The following SUCO variants were observed in gnomAD, a reference collection of about 807,000 sequenced individuals.
SUCO encodes the protein SUN domain containing ossification factor, also known as SUN domain-containing ossification factor.
In SUCO, 57 loss-of-function variants were observed where a neutral mutation model predicts 148.1. The ratio of observed to expected loss-of-function variants is 0.38; its 90% CI spans 0.31 to 0.48. SUCO has a LOEUF of 0.48. Among genes scored for constraint, SUCO ranks in the 20% least tolerant of loss-of-function variants. SUCO has a pLI of 0.96. For synonymous variants in SUCO, 470 were observed against 502.7 expected, an observed-to-expected ratio of 0.93 and a Z score of 0.87; for missense variants, 1,331 against 1,468.2, an observed-to-expected ratio of 0.91 and a Z score of 1.53.
In SUCO at chr1:172,589,073, T is replaced by A. The variant is rs76761114; in HGVS notation, c.1972T>A (p.Tyr658Asn). 1.9e-3 allele frequency: 3,070 copies of A among 1,613,724 alleles called. 45 individuals carry two copies. In the South Asian group the frequency reaches 0.019, roughly 10 times the overall value. ...AACTGCTTTGAGTAAAGGAAAAGAT[T>A]ATCTTGTGTTAGCTCAACCACCCTT... Reference protein sequence around the residue: ...SRTALSKGKDYLVLAQPPLLL... With the variant: ...SRTALSKGKDNLVLAQPPLLL... The change falls in exon 18 of 24, where the codon TAT becomes AAT. Residue 658 changes from tyrosine to asparagine, a missense_variant. By Grantham distance (143) the Tyr-to-Asn change is moderately radical (BLOSUM62 -2). This residue lies in a region of SUCO where 992 missense variants were observed against 1,093.5 expected (regional missense o/e 0.91). Coordinates refer to ENST00000263688, the MANE Select transcript of SUCO (RefSeq NM_014283.5).
intron 23 of SUCO, chr1:172,609,520 C>G (rs1246472754): frequency 2.1e-6 from 2 of 960,978 alleles, no homozygotes; most frequent in Non-Finnish European, 1.2e-6. Context: ...ATGAAAGCAA[C>G]CTGTATGCTC....
intron 1 of SUCO, among the ~76,000 whole-genome samples, chr1:172,543,413 A>G (rs1278924859): frequency 6.6e-6 from 1 of 152,186 alleles, no homozygotes; most frequent in East Asian, 1.9e-4. Flanking sequence ...CCAATTTCTG[A>G]AAATATATTA....
At chr1:172,579,374 T>C (rs927395406) in intron 15 of SUCO, 107 bp downstream of exon 15, 7 of 622,880 alleles carry the variant, frequency 1.1e-5, no homozygotes, top group African/African-American at 5.7e-5. Context: ...TGTTGAACTT[T>C]GAGTTGAAAT....
intron 17 of SUCO, among the ~76,000 whole-genome samples, chr1:172,587,457 C>T (rs958593603): frequency 7.9e-5 from 12 of 151,822 alleles, no homozygotes; most frequent in Non-Finnish European, 1.2e-4. Flanking sequence ...TATTTTTTAC[C>T]AAATTCAATA....
intron 15 of SUCO, 50 bp from the exon 16 acceptor site, chr1:172,584,968 A>G (rs767096170): frequency 3.9e-5 from 46 of 1,187,000 alleles, no homozygotes; most frequent in Admixed American, 1.4e-4. Flanking sequence ...ATTAATTTAT[A>G]TTAGAATATT....
intron 10 of SUCO, 135 bp from the exon 11 acceptor site, chr1:172,575,383 T>C (rs1655358621): frequency 3.5e-6 from 2 of 571,710 alleles, no homozygotes; most frequent in Non-Finnish European, 6.1e-6. Flanking sequence ...ATTAAATGTA[T>C]GTATTTATGT....
chr1:172,550,332 A>C (rs1653196566), intron 1 of SUCO, among the ~76,000 whole-genome samples: 2 of 152,024 alleles, frequency 1.3e-5, no homozygotes, highest in African/African-American at 2.4e-5. Flanking sequence ...AATTTCAAAC[A>C]GTTCTACTTA....
intron 1 of SUCO, among the ~76,000 whole-genome samples, chr1:172,545,779 G>T (rs1473960695): frequency 2.6e-5 from 4 of 152,186 alleles, no homozygotes; most frequent in Non-Finnish European, 5.9e-5. Flanking sequence ...CACATATTCT[G>T]TGCCAGGCTA....
chr1:172,547,124 CATCATCTAAATGG>C (rs940999880), intron 1 of SUCO, among the ~76,000 whole-genome samples: 4 of 152,196 alleles, frequency 2.6e-5, no homozygotes, highest in African/African-American at 9.7e-5. Flanking sequence ...AATTCTGGAA[CATCATCTAAATGG>C]AGTTATACAG....
At chr1:172,535,558 A>G (rs1010175031) in intron 1 of SUCO, among the ~76,000 whole-genome samples, 1 of 152,128 alleles carries the variant, frequency 6.6e-6, no homozygotes, top group Non-Finnish European at 1.5e-5. Context: ...TTTTGCTGCA[A>G]TCTGGTGTGG....
intron 15 of SUCO, among the ~76,000 whole-genome samples, chr1:172,582,864 T>C (rs1655971225): frequency 6.6e-6 from 1 of 152,076 alleles, no homozygotes; most frequent in African/African-American, 2.4e-5. Context: ...TTTAAAAGGG[T>C]GAATAGAAGG....
At chr1:172,538,750 A>G (rs1652214293) in intron 1 of SUCO, among the ~76,000 whole-genome samples, 1 of 152,190 alleles carries the variant, frequency 6.6e-6, no homozygotes, top group Non-Finnish European at 1.5e-5. Flanking sequence ...CTGAGGAAAA[A>G]AAGTTTATCT....
Position 172,573,965 on chromosome 1 carries a change from C to T in SUCO, c.1124C>T (p.Thr375Ile). The change falls in exon 10 of 24, where the codon ACT (threonine) becomes ATT (isoleucine). Residue 375 changes from threonine to isoleucine, a missense_variant. Thr to Ile is a moderately conservative substitution (Grantham distance 89). Coordinates refer to ENST00000263688, the MANE Select transcript of SUCO (RefSeq NM_014283.5). Reference protein sequence around the residue: ...DIANYELFSSTPKDFLVSISD... With the variant: ...DIANYELFSSIPKDFLVSISD... ...GCAAATTATGAATTATTTTCTTCTA[C>T]TCCTAAAGATTTTCTGGTTTCTATC... 2 of 1,595,598 alleles carry T rather than the reference C, an allele frequency of 1.3e-6. No homozygotes were observed. Among genetic ancestry groups the T allele is most frequent in the Non-Finnish European group, 1.7e-6 (2 of 1,165,856 alleles).
intron 22 of SUCO, among the ~76,000 whole-genome samples, chr1:172,606,374 GTAC>G (rs915919993): frequency 2.6e-5 from 4 of 151,194 alleles, no homozygotes; most frequent in Non-Finnish European, 4.4e-5. Context: ...TGGAAGTTGT[GTAC>G]TGGTTCTGTT....
intron 1 of SUCO, among the ~76,000 whole-genome samples, 164 bp downstream of exon 1, chr1:172,533,661 G>A (rs1314453271): frequency 2.6e-5 from 4 of 152,190 alleles, no homozygotes; most frequent in African/African-American, 9.7e-5. Flanking sequence ...GACTGGTCTG[G>A]TAGTGCTCTG....
chr1:172,562,347 TA>T lies in SUCO; in HGVS notation c.732+4554del, dbSNP rs1410532990. ...TTAACATTTTTTTTTTTTTTTTTTT[TA>T]TTTTGAGATGGAGTCTTGCTCTGTT... On this transcript the variant is annotated intron_variant, in intron 6 of 23. Transcript: ENST00000263688. Among the ~76,000 whole-genome samples, 103 of 150,490 alleles carry T rather than the reference TA, an allele frequency of 6.8e-4. 1 individual carries two copies. The highest frequency in any genetic ancestry group is 2.0e-3 in the African/African-American group (84 of 41,062).
intron 6 of SUCO, 52 bp from the exon 7 acceptor site, chr1:172,568,967 A>C: frequency 6.9e-7 from 1 of 1,452,560 alleles, no homozygotes; most frequent in Non-Finnish European, 9.2e-7. Flanking sequence ...TCTAAAATTT[A>C]TTTGTATTAT....
At chr1:172,602,577 T>TAG in intron 21 of SUCO, 119 bp from the exon 22 acceptor site, 1 of 1,477,380 alleles carries the variant, frequency 6.8e-7, no homozygotes, top group Non-Finnish European at 8.9e-7. Context: ...ACTGGAGTGT[T>TAG]AGAGTTAGTC....
chr1:172,556,307 G>A (rs1018698734), intron 4 of SUCO, among the ~76,000 whole-genome samples: 4 of 152,132 alleles, frequency 2.6e-5, no homozygotes, highest in Non-Finnish European at 5.9e-5. Flanking sequence ...TTCTACTTAG[G>A]AAACAGTGCT....
Sources: allele counts gnomAD v4.1 joint callset (sites outside exome capture counted in the v4.1 genomes callset), GRCh38; gene constraint gnomAD v4.1.1; regional missense constraint gnomAD v4.1.1; transcripts MANE v1.5; gene names NCBI Gene and HGNC (gene_info 2026-07-23, HGNC 2026-07-21).